Variants in BCAR3 observed in about 807,000 individuals in gnomAD.
The protein encoded by BCAR3 is breast cancer anti-estrogen resistance protein 3.
In BCAR3, 37 loss-of-function variants were observed where a neutral mutation model predicts 80.1. The observed-to-expected ratio is 0.46, with a 90% confidence interval of 0.36 to 0.61. BCAR3 has a LOEUF of 0.61. Among genes scored for constraint, BCAR3 ranks in the 20% least tolerant of loss-of-function variants. BCAR3 has a pLI of 0.00. For synonymous variants in BCAR3, 389 were observed against 418.9 expected (o/e 0.93, Z 0.87); for missense variants, 978 against 1,068.2 (o/e 0.92, Z 1.18).
intron 3 of BCAR3, among the ~76,000 whole-genome samples, chr1:93,698,564 G>A (rs993749213): frequency 2.6e-5 from 4 of 152,154 alleles, no homozygotes; most frequent in Non-Finnish European, 5.9e-5. Flanking sequence ...CCAACCACGA[G>A]GCCTCCGTGG....
At chr1:93,728,348 A>G (rs1206111650) in intron 2 of BCAR3, among the ~76,000 whole-genome samples, 2 of 152,166 alleles carry the variant, frequency 1.3e-5, no homozygotes, top group Non-Finnish European at 2.9e-5. Flanking sequence ...TGAGAGGTTG[A>G]TGTTTACAGC....
At chr1:93,604,734 GGACT>G (rs1674724646) in intron 3 of BCAR3, among the ~76,000 whole-genome samples, 1 of 152,124 alleles carries the variant, frequency 6.6e-6, no homozygotes, top group Admixed American at 6.5e-5. Flanking sequence ...GAACACCAAG[GGACT>G]GAAAATTATT....
At chr1:93,825,633 G>A (rs1208951565) in intron 2 of BCAR3, among the ~76,000 whole-genome samples, 3 of 142,648 alleles carry the variant, frequency 2.1e-5, no homozygotes, top group Non-Finnish European at 4.7e-5. Flanking sequence ...CTTTGAGCTC[G>A]GCCTTCCACC....
chr1:93,807,391 T>C (rs937326806), intron 2 of BCAR3, among the ~76,000 whole-genome samples: 8 of 152,138 alleles, frequency 5.3e-5, no homozygotes, highest in African/African-American at 1.9e-4. Context: ...TTCTTTATCA[T>C]AGAGGAAGGG....
rs777900949 is a variant in BCAR3 at position 93,592,256 on chromosome 1, A to C, written c.486+9T>G. On this transcript the variant is annotated intron_variant, in intron 4 of 11. Transcript: ENST00000260502. This position sits in a 1 kb window ranked among gnomAD's most constrained non-coding sequence, Gnocchi z 4.8. Reference sequence around the variant, plus strand: ...CCGTGTATGCTCTGGAAGGGACAAGACCAGGTACCTGTCGGGGGATGCGGC... The same window carrying C: ...CCGTGTATGCTCTGGAAGGGACAAGCCCAGGTACCTGTCGGGGGATGCGGC... 2.7e-5 allele frequency: 44 copies of C among 1,613,312 alleles called. No homozygotes were observed. In the East Asian group the frequency reaches 9.8e-4, roughly 36 times the overall value.
intron 2 of BCAR3, among the ~76,000 whole-genome samples, chr1:93,843,500 T>C (rs566645718): frequency 6.6e-6 from 1 of 152,374 alleles, no homozygotes; most frequent in South Asian, 2.1e-4. Flanking sequence ...TTAAGGATCA[T>C]GTCCTGCAAA....
intron 7 of BCAR3, among the ~76,000 whole-genome samples, chr1:93,578,741 C>T (rs1673570764): frequency 6.6e-6 from 1 of 152,198 alleles, no homozygotes; most frequent in Non-Finnish European, 1.5e-5. Flanking sequence ...CCACCCCCAC[C>T]TGATAGCAGG....
chr1:93,613,907 G>A (rs1342368080), intron 3 of BCAR3: 12 of 1,550,592 alleles, frequency 7.7e-6, no homozygotes, highest in Middle Eastern at 3.3e-4. Flanking sequence ...AGAGGGCGTG[G>A]AAAGCACTGC....
In BCAR3 at chr1:93,567,746, C is replaced by T. The variant is rs1299150564; in HGVS notation, c.2080G>A (p.Gly694Ser). The T allele has an allele frequency of 6.2e-7, 1 of 1,613,924 alleles. No individual in the cohort carries two copies. Among genetic ancestry groups the T allele is most frequent in the South Asian group, 1.1e-5 (1 of 91,074 alleles). ...GCTCTGCCCACGTGCTCACCTCTGCCTTCATGCAGGAGTTTGCTGAAGGGC... is the reference window on the plus strand; with the variant it reads ...GCTCTGCCCACGTGCTCACCTCTGCTTTCATGCAGGAGTTTGCTGAAGGGC... ...LKPFSKLLHE[G>S]RESTCVPPNN... Residue 694 changes from glycine (G) to serine (S), a missense_variant, in exon 10 of 12, where the codon GGC (glycine) becomes AGC (serine). By Grantham distance (56) the Gly-to-Ser change is moderately conservative (BLOSUM62 0). Coordinates refer to ENST00000260502, the MANE Select transcript of BCAR3 (RefSeq NM_003567.4).
At chr1:93,605,105 G>A (rs532866519) in intron 3 of BCAR3, among the ~76,000 whole-genome samples, 9 of 152,220 alleles carry the variant, frequency 5.9e-5, no homozygotes, top group African/African-American at 1.2e-4. Context: ...GGTACCTTCC[G>A]TCTAGATCAA....
At chr1:93,573,886 C>T (rs995354637) in intron 8 of BCAR3, among the ~76,000 whole-genome samples, 1 of 152,174 alleles carries the variant, frequency 6.6e-6, no homozygotes, top group Non-Finnish European at 1.5e-5. Flanking sequence ...GCCTTGGCCT[C>T]CCAAAGTGCT....
intron 2 of BCAR3, among the ~76,000 whole-genome samples, chr1:93,842,075 C>A (rs768774045): frequency 1.7e-4 from 26 of 152,116 alleles, no homozygotes; most frequent in Non-Finnish European, 2.9e-4. Flanking sequence ...CCCTGAAGTC[C>A]CGTATCACCA....
At chr1:93,625,173 TG>T (rs1675420885) in intron 3 of BCAR3, among the ~76,000 whole-genome samples, 1 of 152,194 alleles carries the variant, frequency 6.6e-6, no homozygotes, top group African/African-American at 2.4e-5. Context: ...ATTGCACCAC[TG>T]CACTCCAGCC....
intron 1 of BCAR3, among the ~76,000 whole-genome samples, chr1:93,676,624 G>A (rs1648500873): frequency 6.6e-6 from 1 of 152,158 alleles, no homozygotes; most frequent in Non-Finnish European, 1.5e-5. Context: ...CTTGCTCAAT[G>A]CTAACCATCC....
At chr1:93,798,173 G>C (rs912909043) in intron 2 of BCAR3, among the ~76,000 whole-genome samples, 10 of 152,120 alleles carry the variant, frequency 6.6e-5, no homozygotes, top group African/African-American at 2.4e-4. Context: ...TATCCCAAAG[G>C]CAAAATAGGG....
intron 2 of BCAR3, among the ~76,000 whole-genome samples, chr1:93,731,595 A>G (rs1460552177): frequency 6.6e-6 from 1 of 152,086 alleles, no homozygotes; most frequent in Non-Finnish European, 1.5e-5. Context: ...AATGGGATAA[A>G]AACAGCAGTG....
intron 2 of BCAR3, among the ~76,000 whole-genome samples, chr1:93,731,697 C>A (rs1650797710): frequency 6.7e-6 from 1 of 148,940 alleles, no homozygotes; most frequent in Admixed American, 6.6e-5. Flanking sequence ...TAAAATATTT[C>A]AAGTGCCACC....
At chr1:93,629,864 C>T (rs934998976) in intron 3 of BCAR3, among the ~76,000 whole-genome samples, 1 of 152,180 alleles carries the variant, frequency 6.6e-6, no homozygotes, top group Non-Finnish European at 1.5e-5. Context: ...AACAGCAACC[C>T]CACAGTTTTT....
chr1:93,817,264 T>C (rs1366270151), intron 2 of BCAR3, among the ~76,000 whole-genome samples: 5 of 152,246 alleles, frequency 3.3e-5, no homozygotes, highest in Non-Finnish European at 7.3e-5. Flanking sequence ...AAGCAGGGGC[T>C]GAAGGGGGTC....
Sources: gnomAD v4.1 joint callset for allele counts (sites outside exome capture counted in the v4.1 genomes callset) on GRCh38, gnomAD v4.1.1 for gene constraint, Gnocchi (gnomAD v3.1) non-coding constraint, MANE v1.5 for transcripts, NCBI Gene and HGNC (gene_info 2026-07-23, HGNC 2026-07-21) for gene names.